PLEKHF2: variants seen among roughly 807,000 people sequenced by gnomAD.
PLEKHF2 encodes the protein pleckstrin homology domain-containing family F member 2.
Under a neutral mutation model 14.7 loss-of-function variants are expected in PLEKHF2, and 4 were observed. The observed-to-expected ratio is 0.27, with a 90% CI of 0.13 to 0.62. The LOEUF (loss-of-function observed/expected upper bound fraction) is 0.62. Among genes scored for constraint, PLEKHF2 ranks in the 20% least tolerant of loss-of-function variants. The probability of loss-of-function intolerance (pLI) is 0.85; values close to 1 mark genes in which losing one functional copy is unlikely to be tolerated. For missense variants in PLEKHF2, 201 were observed against 307.7 expected, an observed-to-expected ratio of 0.65 and a Z score of 2.60; for synonymous variants, 90 against 103.5, an observed-to-expected ratio of 0.87 and a Z score of 0.79.
rs895957043 is a variant in PLEKHF2, at chr8:95,154,961, C to T, written c.*167C>T. ...TTCCATAGAAAGTAGGTCCCCCTGC[C>T]TTCTCCCACTCCTCACACTCTTCTA... is the stretch of plus-strand genomic sequence containing the variant. On this transcript the variant is annotated 3_prime_UTR_variant, in exon 2 of 2. Transcript: ENST00000315367. This position sits in a 1 kb window ranked among gnomAD's most constrained non-coding sequence, Gnocchi z 5.6. 1 of 724,330 alleles carries T rather than the reference C, an allele frequency of 1.4e-6. No homozygotes were observed. The highest frequency in any genetic ancestry group is 2.3e-6 in the Non-Finnish European group (1 of 438,184). The allele number at this position is 724,330 out of a possible 1,614,324, so 44.9% of individuals were successfully genotyped here.
Position 95,155,056 on chromosome 8 carries a change from G to C in PLEKHF2, c.*262G>C, listed in dbSNP as rs1810601915. The C allele has an allele frequency of 2.4e-6, 1 of 418,974 alleles. No homozygotes were observed. Among genetic ancestry groups the C allele is most frequent in the African/African-American group, 2.0e-5 (1 of 50,136 alleles). 26.0% of individuals were successfully genotyped at this position (418,974 alleles called of 1,614,324 possible). A position where few individuals can be genotyped will look rare whatever the true frequency, so the allele number is the denominator to read the frequency against. On this transcript the variant is annotated 3_prime_UTR_variant, in exon 2 of 2. Coordinates refer to ENST00000315367, the MANE Select transcript of PLEKHF2 (RefSeq NM_024613.4). ...TTGTTTATTTTTAGGTTATTTTCTT[G>C]GAAGGTTGGGAAAAGATGTTTGTTT...
At chr8:95,134,955 T>TC (rs1256651236) in intron 1 of PLEKHF2, among the ~76,000 whole-genome samples, 2 of 152,226 alleles carry the variant, frequency 1.3e-5, no homozygotes, top group Non-Finnish European at 2.9e-5. Flanking sequence ...GAAGTTTTTT[T>TC]CCCCTCCCTT....
intron 1 of PLEKHF2, among the ~76,000 whole-genome samples, chr8:95,152,292 T>G (rs1587310360): frequency 6.6e-6 from 1 of 152,256 alleles, no homozygotes; most frequent in East Asian, 1.9e-4. Flanking sequence ...GTTTTCCTGT[T>G]ATAAACAATG....
chr8:95,134,509 T>G (rs1434097391), intron 1 of PLEKHF2, among the ~76,000 whole-genome samples: 2 of 152,132 alleles, frequency 1.3e-5, no homozygotes, highest in Non-Finnish European at 2.9e-5. Flanking sequence ...TCGGGGACCT[T>G]ATGACCTGAA....
Position 95,141,884 on chromosome 8 carries a change from C to A in PLEKHF2, c.-15+7854C>A, listed in dbSNP as rs1351851522. Among the ~76,000 whole-genome samples, 3 of 152,026 alleles carry A rather than the reference C, an allele frequency of 2.0e-5. No homozygotes were observed. The East Asian group carries it at 5.8e-4, about 29-fold the overall frequency. On this transcript the variant is annotated intron_variant, in intron 1 of 1. Coordinates refer to ENST00000315367, the MANE Select transcript of PLEKHF2 (RefSeq NM_024613.4). The stretch of plus-strand genomic sequence containing the variant: ...CGTTTTTACTTGCAAAGCTTTGTGC[C>A]TTTATTTAGCCATTTTTTTGCCTTC...
intron 1 of PLEKHF2, among the ~76,000 whole-genome samples, chr8:95,140,932 G>T (rs936620919): frequency 1.3e-5 from 2 of 152,026 alleles, no homozygotes; most frequent in South Asian, 4.1e-4. Flanking sequence ...CCCCTTCCTT[G>T]TTTTGTTTTT....
rs1810591077 is a variant in PLEKHF2, at chr8:95,154,320, T to C, written c.276T>C (p.Asp92=). 1 of 1,614,082 alleles carries C rather than the reference T, an allele frequency of 6.2e-7. No individual in the cohort carries two copies. Among genetic ancestry groups the C allele is most frequent in the African/African-American group, 1.3e-5 (1 of 75,022 alleles). Residue 92 remains aspartate (D), a synonymous_variant, in exon 2 of 2, where the codon GAT becomes GAC. Transcript: ENST00000315367. The surrounding 1 kb of genome is among the most constrained non-coding windows in gnomAD (Gnocchi z 5.6). ...LENVTIDSIK[D]EGDLRNGWLI... is the part of the protein sequence containing the mutation. ...ATGTCACTATTGATTCCATCAAAGA[T>C]GAGGGAGACTTAAGGAATGGATGGC... is the stretch of plus-strand genomic sequence containing the variant.
At position 95,154,322 on chromosome 8, in the gene PLEKHF2, A is replaced by AG; in HGVS notation, c.281dup (p.Asp95ArgfsTer13). 6.2e-7 allele frequency: 1 copy of AG among 1,614,132 alleles called. No homozygotes were observed. Among genetic ancestry groups the AG allele is most frequent in the Non-Finnish European group, 8.5e-7 (1 of 1,179,964 alleles). On this transcript the variant is annotated frameshift_variant, in exon 2 of 2. Transcript: ENST00000315367. LOFTEE classifies it high-confidence loss of function. This position sits in a 1 kb window ranked among gnomAD's most constrained non-coding sequence, Gnocchi z 5.6. ...GTCACTATTGATTCCATCAAAGATG[A>AG]GGGAGACTTAAGGAATGGATGGCTA...
Position 95,154,946 on chromosome 8 carries a change from A to G in PLEKHF2, c.*152A>G. ...ATGTGCCTCAATATATTCCATAGAA[A>G]GTAGGTCCCCCTGCCTTCTCCCACT... On this transcript the variant is annotated 3_prime_UTR_variant, in exon 2 of 2. Coordinates refer to ENST00000315367, the MANE Select transcript of PLEKHF2 (RefSeq NM_024613.4). The surrounding 1 kb of genome is among the most constrained non-coding windows in gnomAD (Gnocchi z 5.6). 2 of 892,334 alleles carry G rather than the reference A, an allele frequency of 2.2e-6. No individual in the cohort carries two copies. The highest frequency in any genetic ancestry group is 3.4e-6 in the Non-Finnish European group (2 of 589,154). 55.3% of individuals were successfully genotyped at this position (892,334 alleles called of 1,614,324 possible).
chr8:95,152,862 T>C (rs920828601), intron 1 of PLEKHF2, among the ~76,000 whole-genome samples: 1 of 152,180 alleles, frequency 6.6e-6, no homozygotes, highest in Non-Finnish European at 1.5e-5. Context: ...GTCTTTAAAC[T>C]TTAAATGGTC....
At chr8:95,140,545 C>T (rs937773523) in intron 1 of PLEKHF2, among the ~76,000 whole-genome samples, 5 of 152,154 alleles carry the variant, frequency 3.3e-5, no homozygotes, top group African/African-American at 4.8e-5. Context: ...CCTATCTTAC[C>T]AGACTTCTTA....
chr8:95,152,793 A>G (rs1810577016), intron 1 of PLEKHF2, among the ~76,000 whole-genome samples: 1 of 152,156 alleles, frequency 6.6e-6, no homozygotes, highest in Non-Finnish European at 1.5e-5. Context: ...ATGAAGGCCA[A>G]GAAGGGCTAT....
At chr8:95,147,685 G>A (rs563256367) in intron 1 of PLEKHF2, among the ~76,000 whole-genome samples, 46 of 151,966 alleles carry the variant, frequency 3.0e-4, no homozygotes, top group Non-Finnish European at 6.6e-4. Context: ...GCAAATGGAA[G>A]AGTGATAGAA....
chr8:95,139,474 TCCAGC>T (rs1340490506), intron 1 of PLEKHF2, among the ~76,000 whole-genome samples: 1 of 152,186 alleles, frequency 6.6e-6, no homozygotes, highest in Non-Finnish European at 1.5e-5. Flanking sequence ...GCCACTGCAC[TCCAGC>T]CTGGGTGACA....
chr8:95,151,079 A>G (rs1296524318), intron 1 of PLEKHF2, among the ~76,000 whole-genome samples: 1 of 152,168 alleles, frequency 6.6e-6, no homozygotes, highest in African/African-American at 2.4e-5. Context: ...CTTTTACATT[A>G]TTAAATATCT....
At chr8:95,140,363 G>A (rs1018391705) in intron 1 of PLEKHF2, among the ~76,000 whole-genome samples, 1 of 152,068 alleles carries the variant, frequency 6.6e-6, no homozygotes, top group Non-Finnish European at 1.5e-5. Context: ...CATATGACTG[G>A]TTTCTTTGTC....
In PLEKHF2 at chr8:95,156,080, A is replaced by G. The variant is rs542696947; in HGVS notation, c.*1286A>G. On this transcript the variant is annotated 3_prime_UTR_variant, in exon 2 of 2. Coordinates refer to ENST00000315367, the MANE Select transcript of PLEKHF2 (RefSeq NM_024613.4). ...TTTGAGAAGTAATTGTTCACTCTTT[A>G]CTTTTGAGGCAGCCATTAGGTTGAA... The G allele has an allele frequency of 1.2e-5, 2 of 167,162 alleles. No individual in the cohort carries two copies. Among genetic ancestry groups the G allele is most frequent in the South Asian group, 2.1e-4 (1 of 4,828 alleles). The allele number at this position is 167,162 out of a possible 1,614,324, so 10.4% of individuals were successfully genotyped here. A position where few individuals can be genotyped will look rare whatever the true frequency, so the allele number is the denominator to read the frequency against.
intron 1 of PLEKHF2, among the ~76,000 whole-genome samples, chr8:95,143,843 G>C (rs1810462840): frequency 6.6e-6 from 1 of 152,198 alleles, no homozygotes; most frequent in African/African-American, 2.4e-5. Flanking sequence ...TGGTTTCTGA[G>C]TAGACTTACC....
intron 1 of PLEKHF2, among the ~76,000 whole-genome samples, chr8:95,146,528 A>G (rs1205120659): frequency 6.9e-6 from 1 of 145,958 alleles, no homozygotes; most frequent in African/African-American, 2.5e-5. Flanking sequence ...TTTTTTTTTT[A>G]AGAATTTTTT....
Sources: allele counts gnomAD v4.1 joint callset (sites outside exome capture counted in the v4.1 genomes callset), GRCh38; gene constraint gnomAD v4.1.1; non-coding constraint Gnocchi (gnomAD v3.1); transcripts MANE v1.5; gene names NCBI Gene and HGNC (gene_info 2026-07-23, HGNC 2026-07-21).